The following MPP7 variants were observed in gnomAD, a reference collection of about 807,000 sequenced individuals.
MPP7 encodes the protein MAGUK p55 subfamily member 7.
In MPP7, 60 loss-of-function variants were observed where a neutral mutation model predicts 76.5. That is an observed-to-expected ratio of 0.78 (90% CI 0.64 to 0.97). The LOEUF (loss-of-function observed/expected upper bound fraction) is 0.97, where lower values mean the gene tolerates loss of function less well. MPP7 is among the 50% of genes least tolerant of loss of function. MPP7 has a pLI of 0.00. For missense variants in MPP7, 641 were observed against 694.0 expected (o/e 0.92, Z 0.86); for synonymous variants, 237 against 244.5 (o/e 0.97, Z 0.29).
At chr10:28,140,173 C>T (rs1300032957) in intron 5 of MPP7, among the ~76,000 whole-genome samples, 2 of 152,072 alleles carry the variant, frequency 1.3e-5, no homozygotes, top group Admixed American at 1.3e-4. Context: ...ATTAAACAAG[C>T]GTGACAGCTA....
chr10:28,225,399 G>A (rs1258385658), intron 2 of MPP7, among the ~76,000 whole-genome samples: 1 of 152,076 alleles, frequency 6.6e-6, no homozygotes, highest in Non-Finnish European at 1.5e-5. Flanking sequence ...TACAAAACAG[G>A]AGAAAATATT....
Position 28,262,290 on chromosome 10 carries a change from T to TC in MPP7, c.-131-23556dup, listed in dbSNP as rs1554860531. Among the ~76,000 whole-genome samples, 6 of 127,036 alleles carry TC rather than the reference T, an allele frequency of 4.7e-5. No individual in the cohort carries two copies. The East Asian group carries it at 1.2e-3, about 26-fold the overall frequency. The allele number at this position is 127,036 out of a possible 152,430, so 83.3% of individuals were successfully genotyped here. A position where few individuals can be genotyped will look rare whatever the true frequency, so the allele number is the denominator to read the frequency against. On this transcript the variant is annotated intron_variant, in intron 1 of 16. Coordinates refer to ENST00000683449, the MANE Select transcript of MPP7 (RefSeq NM_001318170.2). ...ATATATATATATATTTTTTTTTTTTTCTTCACCATGTTGGCCAGGATGGTC... is the reference window on the plus strand; with the variant it reads ...ATATATATATATATTTTTTTTTTTTTCCTTCACCATGTTGGCCAGGATGGTC...
chr10:28,263,705 G>A (rs1036890849), intron 1 of MPP7, among the ~76,000 whole-genome samples: 2 of 152,160 alleles, frequency 1.3e-5, no homozygotes, highest in Non-Finnish European at 2.9e-5. Flanking sequence ...GGGCAGAGAG[G>A]AGCGGCATAT....
At chr10:28,233,228 G>C (rs956850112) in intron 2 of MPP7, among the ~76,000 whole-genome samples, 2 of 152,178 alleles carry the variant, frequency 1.3e-5, no homozygotes, top group African/African-American at 4.8e-5. Context: ...GTTGGAGGGG[G>C]AAGAGGCTAC....
chr10:28,196,208 C>T (rs781325084), intron 3 of MPP7, among the ~76,000 whole-genome samples: 34 of 152,058 alleles, frequency 2.2e-4, no homozygotes, highest in Non-Finnish European at 4.6e-4. Flanking sequence ...AGGCCAGATG[C>T]GGTGGCTCAT....
In MPP7 at chr10:28,315,740, T is replaced by G. The variant is rs148000849; in HGVS notation, c.-132+14189A>C. Among the ~76,000 whole-genome samples the G allele has an allele frequency of 3.3e-5, 5 of 152,286 alleles. No homozygotes were observed. In the South Asian group the frequency reaches 6.2e-4, roughly 19 times the overall value. On this transcript the variant is annotated intron_variant, in intron 2 of 11. Transcript: ENST00000441595. Reference sequence around the variant, plus strand: ...GAGGTGAAGAATACCTCCCCATCCCTTAAGTGTGGCTGCCCATAGTGACCT... The same window carrying G: ...GAGGTGAAGAATACCTCCCCATCCCGTAAGTGTGGCTGCCCATAGTGACCT...
chr10:28,275,032 A>G (rs1280109637), intron 1 of MPP7, among the ~76,000 whole-genome samples: 1 of 152,192 alleles, frequency 6.6e-6, no homozygotes, highest in East Asian at 1.9e-4. Flanking sequence ...AATCGGCTTA[A>G]ATGTCCATAG....
At chr10:28,119,774 A>G in intron 10 of MPP7, 59 bp from the exon 11 acceptor site, 1 of 1,306,386 alleles carries the variant, frequency 7.7e-7, no homozygotes, top group South Asian at 1.3e-5. Context: ...AGGTGAATAC[A>G]ATATCAAAAT....
intron 12 of MPP7, among the ~76,000 whole-genome samples, chr10:28,088,806 A>G (rs11006850): frequency 0.082 from 12,513 of 152,220 alleles, 956 homozygotes; most frequent in African/African-American, 0.2. Context: ...AAGGGTGCAC[A>G]AGATAGATGC....
intron 3 of MPP7, among the ~76,000 whole-genome samples, chr10:28,155,459 G>A (rs922474252): frequency 1.3e-5 from 2 of 151,900 alleles, no homozygotes; most frequent in Non-Finnish European, 2.9e-5. Flanking sequence ...GCATGGTAGT[G>A]TACACCTGTA....
intron 12 of MPP7, among the ~76,000 whole-genome samples, chr10:28,078,619 T>TA (rs140374125): frequency 0.041 from 6,270 of 152,272 alleles, 453 homozygotes; most frequent in African/African-American, 0.14. Context: ...CTGCTTCATC[T>TA]AAAAAATATT....
intron 1 of MPP7, among the ~76,000 whole-genome samples, chr10:28,239,673 CT>C (rs895509571): frequency 3.3e-5 from 5 of 152,080 alleles, no homozygotes; most frequent in African/African-American, 9.6e-5. Context: ...AAAATATTAA[CT>C]TTTTTTTCAA....
At chr10:28,277,376 A>T (rs1048340185) in intron 1 of MPP7, among the ~76,000 whole-genome samples, 1 of 150,780 alleles carries the variant, frequency 6.6e-6, no homozygotes, top group Middle Eastern at 3.4e-3. Flanking sequence ...AAAAAAAAAA[A>T]TTAATTAAAA....
intron 3 of MPP7, among the ~76,000 whole-genome samples, chr10:28,177,885 A>AG (rs1004917056): frequency 3.9e-5 from 6 of 152,118 alleles, no homozygotes; most frequent in African/African-American, 1.2e-4. Flanking sequence ...AAATACTGTG[A>AG]GGGGCTCCTT....
intron 12 of MPP7, among the ~76,000 whole-genome samples, chr10:28,074,972 C>G (rs778809506): frequency 1.3e-5 from 2 of 152,080 alleles, no homozygotes; most frequent in Non-Finnish European, 2.9e-5. Context: ...TTAATTGGCC[C>G]ACAGTTCCGC....
intron 1 of MPP7, among the ~76,000 whole-genome samples, chr10:28,265,553 T>C (rs953485182): frequency 6.6e-6 from 1 of 152,112 alleles, no homozygotes; most frequent in South Asian, 2.1e-4. Flanking sequence ...CATAAGATCC[T>C]GTCTCCCCAC....
At chr10:28,166,559 C>T (rs544489809) in intron 3 of MPP7, among the ~76,000 whole-genome samples, 1 of 152,082 alleles carries the variant, frequency 6.6e-6, no homozygotes, top group Admixed American at 6.5e-5. Flanking sequence ...AGGCATGCAC[C>T]ATCACACCCG....
At chr10:28,135,229 C>T (rs543576716) in intron 5 of MPP7, among the ~76,000 whole-genome samples, 1 of 152,214 alleles carries the variant, frequency 6.6e-6, no homozygotes, top group Admixed American at 6.5e-5. Flanking sequence ...CCAGAGACGT[C>T]AACTGACTAG....
intron 3 of MPP7, among the ~76,000 whole-genome samples, chr10:28,186,260 C>A (rs1588898040): frequency 6.6e-6 from 1 of 151,442 alleles, no homozygotes; most frequent in African/African-American, 2.4e-5. Context: ...GCAGGAGAAT[C>A]GCTTGAACCC....
Sources: allele counts gnomAD v4.1 joint callset (sites outside exome capture counted in the v4.1 genomes callset), GRCh38; gene constraint gnomAD v4.1.1; transcripts MANE v1.5; gene names NCBI Gene and HGNC (gene_info 2026-07-23, HGNC 2026-07-21).